KIF26B: variants seen among roughly 807,000 people sequenced by gnomAD.
KIF26B encodes the protein kinesin-like protein KIF26B.
Under a neutral mutation model 151.2 loss-of-function variants are expected in KIF26B, and 63 were observed. The ratio of observed to expected loss-of-function variants is 0.42; its 90% CI spans 0.34 to 0.51. The LOEUF is 0.51. Ranked by LOEUF, KIF26B falls within the 20% of genes least tolerant of loss-of-function variation. The pLI, the probability that KIF26B is intolerant of heterozygous loss-of-function variation, is 0.07. For synonymous variants in KIF26B, 1,357 were observed against 1,262.1 expected, an observed-to-expected ratio of 1.08 and a Z score of -1.59; for missense variants, 2,813 against 2,913.6, an observed-to-expected ratio of 0.97 and a Z score of 0.79.
intron 5 of KIF26B, among the ~76,000 whole-genome samples, chr1:245,581,122 G>T (rs1385121211): frequency 6.6e-6 from 1 of 152,016 alleles, no homozygotes; most frequent in Non-Finnish European, 1.5e-5. Context: ...TCACTAAAAG[G>T]CAAGTTCCAC....
chr1:245,430,103 A>G (rs144464030), intron 4 of KIF26B, among the ~76,000 whole-genome samples: 39 of 152,336 alleles, frequency 2.6e-4, no homozygotes, highest in Non-Finnish European at 5.0e-4. Context: ...GAATAAAAGT[A>G]AAAGGGGAAA....
chr1:245,511,796 AG>A (rs1455812583), intron 4 of KIF26B, among the ~76,000 whole-genome samples: 4 of 152,200 alleles, frequency 2.6e-5, no homozygotes, highest in Admixed American at 2.6e-4. Context: ...TTTCTGTGTG[AG>A]GGCTTCGTTT....
chr1:245,164,385 TGCCAATGAAC>T (rs1668581747), intron 2 of KIF26B, among the ~76,000 whole-genome samples: 1 of 152,286 alleles, frequency 6.6e-6, no homozygotes, highest in Non-Finnish European at 1.5e-5. Context: ...GATATTCATA[TGCCAATGAAC>T]ATTTTTGATT....
intron 2 of KIF26B, among the ~76,000 whole-genome samples, chr1:245,268,024 G>A (rs551079369): frequency 1.3e-5 from 2 of 152,212 alleles, no homozygotes; most frequent in South Asian, 4.1e-4. Context: ...GGAATTTCAG[G>A]AGCCAGGCAC....
chr1:245,435,920 G>A (rs1243441533), intron 4 of KIF26B, among the ~76,000 whole-genome samples: 1 of 152,202 alleles, frequency 6.6e-6, no homozygotes, highest in Non-Finnish European at 1.5e-5. Context: ...GCTCACGCCT[G>A]TAAATCTCAG....
At chr1:245,645,566 A>G (rs1000228890) in intron 9 of KIF26B, among the ~76,000 whole-genome samples, 1 of 152,228 alleles carries the variant, frequency 6.6e-6, no homozygotes, top group Non-Finnish European at 1.5e-5. Context: ...TGATGTTTGT[A>G]CAGCACCTGG....
intron 4 of KIF26B, among the ~76,000 whole-genome samples, chr1:245,466,193 T>C (rs199547815): frequency 1.6e-4 from 1 of 6,396 alleles, no homozygotes; most frequent in Non-Finnish European, 3.5e-4. Context: ...GAATGTTTGT[T>C]TGTTTGTTTG....
In KIF26B at chr1:245,687,426, C is replaced by G; in HGVS notation, c.4443C>G (p.Asp1481Glu). The change falls in exon 12 of 15, where the codon GAC becomes GAG. Residue 1481 changes from aspartate (D) to glutamate (E), a missense_variant. By Grantham distance (45) the Asp-to-Glu change is conservative. Coordinates refer to ENST00000407071, the MANE Select transcript of KIF26B (RefSeq NM_018012.4). This position sits in a 1 kb window ranked among gnomAD's most constrained non-coding sequence, Gnocchi z 4.9. ...AGACCAGAGCAGAGCAGGAGCAGGACGGAAAGCCCAGTCCGGGAGACAGGC... is the reference window on the plus strand; with the variant it reads ...AGACCAGAGCAGAGCAGGAGCAGGAGGGAAAGCCCAGTCCGGGAGACAGGC... The part of the protein sequence containing the change: ...NAETRAEQEQ[D>E]GKPSPGDRLS... 6.3e-7 allele frequency: 1 copy of G among 1,588,396 alleles called. No homozygotes were observed.
intron 3 of KIF26B, among the ~76,000 whole-genome samples, chr1:245,390,303 C>T (rs146750030): frequency 6.1e-4 from 92 of 151,996 alleles, no homozygotes; most frequent in African/African-American, 2.1e-3. Context: ...CTGCAACCTC[C>T]GCCTCCCGGG....
Position 245,680,825 on chromosome 1 carries a change from G to A in KIF26B, c.2259-3408G>A, listed in dbSNP as rs77287972. On this transcript the variant is annotated intron_variant, in intron 10 of 14. Coordinates refer to ENST00000407071, the MANE Select transcript of KIF26B (RefSeq NM_018012.4). ...AGATACTGAGTCGCCAGATGCACGC[G>A]TTCCCCGCCGAGGTGGAGCGTGCAA... Among the ~76,000 whole-genome samples, 208 of 152,300 alleles carry A rather than the reference G, an allele frequency of 1.4e-3. No homozygotes were observed. In the East Asian group the frequency reaches 0.031, roughly 23 times the overall value.
intron 2 of KIF26B, among the ~76,000 whole-genome samples, chr1:245,284,126 T>A (rs1021133771): frequency 6.6e-6 from 1 of 152,252 alleles, no homozygotes. Context: ...TGTAGTTTTT[T>A]AACCACATAT....
At position 245,325,834 on chromosome 1, in the gene KIF26B, G is replaced by A. The variant is rs141381404; in HGVS notation, c.466-41000G>A. ...GTGTGCCAGGTAGAGCGTGTGTGGCGGAGGGGGGGTGGTATTGTTTGTGAC... is the reference window on the plus strand; with the variant it reads ...GTGTGCCAGGTAGAGCGTGTGTGGCAGAGGGGGGGTGGTATTGTTTGTGAC... On this transcript the variant is annotated intron_variant, in intron 2 of 14. Transcript: ENST00000407071. Among the ~76,000 whole-genome samples, 129 of 152,270 alleles carry A rather than the reference G, an allele frequency of 8.5e-4. 1 individual carries two copies. The highest frequency in any genetic ancestry group is 3.4e-3 in the Middle Eastern group (1 of 294).
rs1307497090 is a variant in KIF26B at position 245,572,479 on chromosome 1, G to A, written c.1351-30098G>A. Reference sequence around the variant, plus strand: ...TGTTCTCCAGCCCATTTTCAGGCACGGTATCCTGCGCTGCTAGCACCGTAG... The same window carrying A: ...TGTTCTCCAGCCCATTTTCAGGCACAGTATCCTGCGCTGCTAGCACCGTAG... On this transcript the variant is annotated intron_variant, in intron 5 of 14. Coordinates refer to ENST00000407071, the MANE Select transcript of KIF26B (RefSeq NM_018012.4). This position sits in a 1 kb window ranked among gnomAD's most constrained non-coding sequence, Gnocchi z 4.2. Among the ~76,000 whole-genome samples, 2 of 152,138 alleles carry A rather than the reference G, an allele frequency of 1.3e-5. No individual in the cohort carries two copies. The highest frequency in any genetic ancestry group is 6.6e-5 in the Admixed American group (1 of 15,266).
At chr1:245,350,652 G>A (rs112805214) in intron 2 of KIF26B, among the ~76,000 whole-genome samples, 2,438 of 152,110 alleles carry the variant, frequency 0.016, 37 homozygotes, top group African/African-American at 0.029. Flanking sequence ...ATGCCCTGGG[G>A]GTACTTTCCA....
At chr1:245,297,090 C>T (rs1671349684) in intron 2 of KIF26B, among the ~76,000 whole-genome samples, 1 of 120,882 alleles carries the variant, frequency 8.3e-6, no homozygotes, top group Non-Finnish European at 1.7e-5. Context: ...CGCCTGTAAT[C>T]CCAACACTTT....
At chr1:245,249,225 T>C (rs959685465) in intron 2 of KIF26B, among the ~76,000 whole-genome samples, 1 of 151,816 alleles carries the variant, frequency 6.6e-6, no homozygotes, top group African/African-American at 2.4e-5. Flanking sequence ...GCCTCCTGAG[T>C]AGCTGGGATT....
intron 4 of KIF26B, among the ~76,000 whole-genome samples, chr1:245,464,691 T>C (rs1659739445): frequency 6.6e-6 from 1 of 151,710 alleles, no homozygotes; most frequent in African/African-American, 2.4e-5. Flanking sequence ...TGTGAGTATG[T>C]GCATGTGTGT....
rs1408694234 is a variant in KIF26B at position 245,540,606 on chromosome 1, C to G, written c.1167-161C>G. 1 of 763,034 alleles carries G rather than the reference C, an allele frequency of 1.3e-6. No homozygotes were observed. The highest frequency in any genetic ancestry group is 2.5e-5 in the East Asian group (1 of 40,248). 47.3% of individuals were successfully genotyped at this position (763,034 alleles called of 1,614,324 possible). A position where few individuals can be genotyped will look rare whatever the true frequency, so the allele number is the denominator to read the frequency against. On this transcript the variant is annotated intron_variant, in intron 4 of 14. Coordinates refer to ENST00000407071, the MANE Select transcript of KIF26B (RefSeq NM_018012.4). This position sits in a 1 kb window ranked among gnomAD's most constrained non-coding sequence, Gnocchi z 4.6. Reference sequence around the variant, plus strand: ...GATTGGGTAGCTCGTTAACTTCACTCTGTTATAGTAAGGGACTGCTACAGA... The same window carrying G: ...GATTGGGTAGCTCGTTAACTTCACTGTGTTATAGTAAGGGACTGCTACAGA...
In KIF26B at chr1:245,572,690, C is replaced by T. The variant is rs1274708935; in HGVS notation, c.1351-29887C>T. Among the ~76,000 whole-genome samples the T allele has an allele frequency of 2.6e-5, 4 of 152,210 alleles. No homozygotes were observed. The highest frequency in any genetic ancestry group is 2.6e-4 in the Admixed American group (4 of 15,284). On this transcript the variant is annotated intron_variant, in intron 5 of 14. Coordinates refer to ENST00000407071, the MANE Select transcript of KIF26B (RefSeq NM_018012.4). This position sits in a 1 kb window ranked among gnomAD's most constrained non-coding sequence, Gnocchi z 4.2. ...CGATGATACTATTCCTTACTTCTCA[C>T]ATTCATCCCATTCTAATGCCCACAT...
Sources: allele counts gnomAD v4.1 joint callset (sites outside exome capture counted in the v4.1 genomes callset), GRCh38; gene constraint gnomAD v4.1.1; non-coding constraint Gnocchi (gnomAD v3.1); transcripts MANE v1.5; gene names NCBI Gene and HGNC (gene_info 2026-07-23, HGNC 2026-07-21).